TNFRSF8: variants seen among roughly 807,000 people sequenced by gnomAD.
TNFRSF8 encodes TNF receptor superfamily member 8, also known as tumor necrosis factor receptor superfamily member 8.
A neutral mutation model predicts 70.8 loss-of-function variants in TNFRSF8; 26 were observed. The ratio of observed to expected loss-of-function variants is 0.37; its 90% CI spans 0.27 to 0.51. The LOEUF (loss-of-function observed/expected upper bound fraction) is 0.51, where lower values mean the gene tolerates loss of function less well. Among genes scored for constraint, TNFRSF8 ranks in the 20% least tolerant of loss-of-function variants. The pLI is 0.94. For synonymous variants in TNFRSF8, 356 were observed against 339.2 expected, an observed-to-expected ratio of 1.05 and a Z score of -0.54; for missense variants, 720 against 807.9, an observed-to-expected ratio of 0.89 and a Z score of 1.32.
chr1:12,102,597 C>T (rs1641443743), intron 3 of TNFRSF8, among the ~76,000 whole-genome samples: 1 of 152,214 alleles, frequency 6.6e-6, no homozygotes, highest in Admixed American at 6.5e-5. Context: ...GCCATCTCAA[C>T]TCACTGCAAC....
chr1:12,108,479 C>T lies in TNFRSF8; in HGVS notation c.422-1087C>T, dbSNP rs553826704. 6.6e-5 allele frequency among the ~76,000 whole-genome samples: 10 copies of T among 152,320 alleles called. No homozygotes were observed. The East Asian group carries it at 1.7e-3, about 26-fold the overall frequency. ...CAATGTGATGGGCACCTCACGTGCA[C>T]TCTTCTGTTTATCCTGACGACAGCC... On this transcript the variant is annotated intron_variant, in intron 4 of 14. Transcript: ENST00000263932. The surrounding 1 kb of genome is among the most constrained non-coding windows in gnomAD (Gnocchi z 4.0).
intron 8 of TNFRSF8, among the ~76,000 whole-genome samples, chr1:12,118,407 G>A (rs372209346): frequency 1.4e-4 from 22 of 152,210 alleles, no homozygotes; most frequent in South Asian, 1.0e-3. Flanking sequence ...CACCGCACCC[G>A]GCCAAGCATA....
chr1:12,134,648 C>G (rs1642112277), intron 12 of TNFRSF8, among the ~76,000 whole-genome samples: 1 of 152,204 alleles, frequency 6.6e-6, no homozygotes, highest in Non-Finnish European at 1.5e-5. Context: ...TCCTCGAAGG[C>G]TGCCACCTGG....
At chr1:12,066,308 T>TA (rs142447195) in intron 1 of TNFRSF8, among the ~76,000 whole-genome samples, 2,522 of 149,614 alleles carry the variant, frequency 0.017, 37 homozygotes, top group African/African-American at 0.043. Context: ...CTCGTTATTT[T>TA]AAAAAAAAAA....
chr1:12,121,253 A>AG (rs1641823953), intron 8 of TNFRSF8, among the ~76,000 whole-genome samples: 1 of 152,230 alleles, frequency 6.6e-6, no homozygotes, highest in South Asian at 2.1e-4. Flanking sequence ...TTCCCCAAAG[A>AG]GGGGGGTTCC....
intron 1 of TNFRSF8, among the ~76,000 whole-genome samples, chr1:12,070,586 A>G (rs928891008): frequency 6.6e-6 from 1 of 152,016 alleles, no homozygotes; most frequent in African/African-American, 2.4e-5. Flanking sequence ...TGCGCCTCCT[A>G]TTGCTGGGAT....
chr1:12,133,942 AC>A (rs1481575763), intron 12 of TNFRSF8, among the ~76,000 whole-genome samples: 1 of 152,066 alleles, frequency 6.6e-6, no homozygotes, highest in Admixed American at 6.5e-5. Context: ...AATCCCAGCT[AC>A]TTGTGAGAAT....
chr1:12,075,827 TA>T (rs1221563268), intron 1 of TNFRSF8, among the ~76,000 whole-genome samples: 1 of 152,198 alleles, frequency 6.6e-6, no homozygotes, highest in Non-Finnish European at 1.5e-5. Context: ...GCCTAACGGC[TA>T]ACGTCAGCAT....
At chr1:12,139,406 C>T (rs926553354) in intron 14 of TNFRSF8, among the ~76,000 whole-genome samples, 3 of 152,200 alleles carry the variant, frequency 2.0e-5, no homozygotes, top group Non-Finnish European at 4.4e-5. Flanking sequence ...TGCCTTGAAT[C>T]CAGTTAATTC....
At chr1:12,128,279 G>A (rs1051144332) in intron 12 of TNFRSF8, among the ~76,000 whole-genome samples, 2 of 152,234 alleles carry the variant, frequency 1.3e-5, no homozygotes, top group Non-Finnish European at 2.9e-5. Flanking sequence ...AAAGGCAGAC[G>A]GGAGGGGAGT....
rs1641619903 is a variant in TNFRSF8 at position 12,110,973 on chromosome 1, A to G, written c.676+769A>G. Among the ~76,000 whole-genome samples the G allele has an allele frequency of 6.6e-6, 1 of 152,092 alleles. No homozygotes were observed. The highest frequency in any genetic ancestry group is 2.4e-5 in the African/African-American group (1 of 41,410). ...AGCTCTGTTTATCCAGTTTTTGAAT[A>G]TTTGGGTTGTTTCTGCCTTTTGACT... is the stretch of plus-strand genomic sequence containing the variant. On this transcript the variant is annotated intron_variant, in intron 6 of 14. Transcript: ENST00000263932. This position sits in a 1 kb window ranked among gnomAD's most constrained non-coding sequence, Gnocchi z 4.0.
chr1:12,082,562 AACAAAAAC>A, intron 1 of TNFRSF8, among the ~76,000 whole-genome samples: 1 of 142,512 alleles, frequency 7.0e-6, no homozygotes, highest in African/African-American at 2.5e-5. Context: ...AAAAAAAAAA[AACAAAAAC>A]AAAACAAAAA....
intron 12 of TNFRSF8, among the ~76,000 whole-genome samples, chr1:12,129,256 A>G (rs764743023): frequency 6.6e-6 from 1 of 152,206 alleles, no homozygotes; most frequent in Non-Finnish European, 1.5e-5. Flanking sequence ...TAGAAATGGT[A>G]TAAGTATGAA....
In TNFRSF8 at chr1:12,104,448, T is replaced by C; in HGVS notation, c.338T>C (p.Phe113Ser). The C allele has an allele frequency of 1.9e-6, 3 of 1,614,216 alleles. No homozygotes were observed. The highest frequency in any genetic ancestry group is 2.5e-6 in the Non-Finnish European group (3 of 1,180,050). Residue 113 changes from phenylalanine (F) to serine (S), a missense_variant, in exon 4 of 15, where the codon TTC becomes TCC. Physicochemically the swap from Phe to Ser is radical, Grantham distance 155. Coordinates refer to ENST00000263932, the MANE Select transcript of TNFRSF8 (RefSeq NM_001243.5). The stretch of plus-strand genomic sequence containing the variant: ...GTCTGCGAATGTCGACCCGGCATGT[T>C]CTGTTCCACGTCTGCCGTCAACTCC... ...SRVCECRPGMFCSTSAVNSCA... is the reference protein window; with the variant it reads ...SRVCECRPGMSCSTSAVNSCA...
chr1:12,076,026 T>C (rs1640948702), intron 1 of TNFRSF8, among the ~76,000 whole-genome samples: 1 of 151,916 alleles, frequency 6.6e-6, no homozygotes, highest in Non-Finnish European at 1.5e-5. Flanking sequence ...TTAAATACCC[T>C]TAGTCCATAA....
chr1:12,115,809 AGGGGTGGAGGCAAATGACCTACACCCTC>A (rs1641719314), intron 8 of TNFRSF8, 80 bp downstream of exon 8: 3 of 1,507,962 alleles, frequency 2.0e-6, no homozygotes, highest in Non-Finnish European at 2.7e-6. Flanking sequence ...ACCAACAGCC[AGGGGTGGAGGCAAATGACCTACACCCTC>A]GGCTGTTCAT....
intron 1 of TNFRSF8, among the ~76,000 whole-genome samples, chr1:12,073,426 ATCTC>A (rs1275142889): frequency 6.8e-6 from 1 of 147,548 alleles, no homozygotes; most frequent in Non-Finnish European, 1.5e-5. Context: ...CACTATATCC[ATCTC>A]TCTCTCTCTT....
Position 12,084,538 on chromosome 1 carries a change from C to T in TNFRSF8, c.138C>T (p.Tyr46=). ...ACAAGGCTGTCAGGAGGTGCTGTTA[C>T]CGCTGCCCCATGGGTGAGTGGGGGC... The part of the protein sequence containing the change: ...YYDKAVRRCC[Y]RCPMGLFPTQ... Residue 46 remains tyrosine, a synonymous_variant, in exon 2 of 15, where the codon TAC becomes TAT. Coordinates refer to ENST00000263932, the MANE Select transcript of TNFRSF8 (RefSeq NM_001243.5). The T allele has an allele frequency of 1.9e-6, 3 of 1,613,988 alleles. No individual in the cohort carries two copies. The highest frequency in any genetic ancestry group is 2.5e-6 in the Non-Finnish European group (3 of 1,179,948).
At chr1:12,091,443 T>C (rs562426789) in intron 2 of TNFRSF8, among the ~76,000 whole-genome samples, 9 of 152,206 alleles carry the variant, frequency 5.9e-5, no homozygotes, top group African/African-American at 1.7e-4. Context: ...CATCAAACAT[T>C]GGTGGAACTG....
Sources: allele counts gnomAD v4.1 joint callset (sites outside exome capture counted in the v4.1 genomes callset), GRCh38; gene constraint gnomAD v4.1.1; non-coding constraint Gnocchi (gnomAD v3.1); transcripts MANE v1.5; gene names NCBI Gene and HGNC (gene_info 2026-07-23, HGNC 2026-07-21).